The following RFX2 variants were observed in gnomAD, a reference collection of about 807,000 sequenced individuals.
The protein encoded by RFX2 is regulatory factor X2.
In RFX2, 20 loss-of-function variants were observed where a neutral mutation model predicts 87.8. The observed-to-expected ratio is 0.23, with a 90% CI of 0.16 to 0.33. The LOEUF is 0.33. Ranked by LOEUF, RFX2 falls within the 10% of genes least tolerant of loss-of-function variation. The probability of loss-of-function intolerance (pLI) is 1.00; values close to 1 mark genes in which losing one functional copy is unlikely to be tolerated. For missense variants in RFX2, 767 were observed against 1,012.3 expected (o/e 0.76, Z 3.29); for synonymous variants, 397 against 431.3 (o/e 0.92, Z 0.98).
rs767365393 is a variant in RFX2 at position 6,004,289 on chromosome 19, G to A, written c.1412C>T (p.Thr471Ile). ...CTTGGCAAAGTTACGGATGGCCTGT[G>A]TCAAGGTACCTGGGGGATACAGACC... is the stretch of plus-strand genomic sequence containing the variant. ...DVLRPVPSTL[T>I]QAIRNFAKSL... The change falls in exon 13 of 18, where the codon ACA (threonine) becomes ATA (isoleucine). Residue 471 changes from threonine to isoleucine, a missense_variant. Physicochemically the swap from Thr to Ile is moderately conservative, Grantham distance 89. Around this residue, in one of 2 missense-constraint regions of RFX2, gnomAD observed 621 missense variants for 873.0 expected, o/e 0.71. Transcript: ENST00000303657. This position sits in a 1 kb window ranked among gnomAD's most constrained non-coding sequence, Gnocchi z 4.8. 3 of 1,613,724 alleles carry A rather than the reference G, an allele frequency of 1.9e-6. No individual in the cohort carries two copies. Among genetic ancestry groups the A allele is most frequent in the Non-Finnish European group, 1.7e-6 (2 of 1,179,734 alleles).
chr19:6,067,585 C>T (rs1286995529), intron 1 of RFX2, among the ~76,000 whole-genome samples: 1 of 152,238 alleles, frequency 6.6e-6, no homozygotes, highest in Non-Finnish European at 1.5e-5. Flanking sequence ...AAGGGCTAAA[C>T]TGAAGCTAGT....
intron 1 of RFX2, among the ~76,000 whole-genome samples, chr19:6,078,756 G>T (rs1382461883): frequency 6.6e-6 from 1 of 152,186 alleles, no homozygotes. Context: ...CTTCCCAGGA[G>T]AATGTTACTT....
At chr19:6,038,991 AC>A in intron 5 of RFX2, among the ~76,000 whole-genome samples, 1 of 152,340 alleles carries the variant, frequency 6.6e-6, no homozygotes, top group South Asian at 2.1e-4. Context: ...AAGAAAGAAA[AC>A]ATATGTCCTT....
Position 6,061,127 on chromosome 19 carries a change from T to A in RFX2, c.-8-13623A>T, listed in dbSNP as rs570276387. 2.0e-5 allele frequency among the ~76,000 whole-genome samples: 3 copies of A among 152,086 alleles called. No homozygotes were observed. The highest frequency in any genetic ancestry group is 7.2e-5 in the African/African-American group (3 of 41,466). ...GTCTCCACCTGATACCATCTCTGCC[T>A]CCCCCTTCCTTCCGCTCCTGCTGCT... On this transcript the variant is annotated intron_variant, in intron 1 of 17. Coordinates refer to ENST00000303657, the MANE Select transcript of RFX2 (RefSeq NM_000635.4). This position sits in a 1 kb window ranked among gnomAD's most constrained non-coding sequence, Gnocchi z 5.2.
At position 6,042,069 on chromosome 19, in the gene RFX2, C is replaced by T. The variant is rs574983705; in HGVS notation, c.235G>A (p.Asp79Asn). 1 of 1,613,936 alleles carries T rather than the reference C, an allele frequency of 6.2e-7. No homozygotes were observed. Among genetic ancestry groups the T allele is most frequent in the South Asian group, 1.1e-5 (1 of 91,076 alleles). Residue 79 changes from aspartate (D) to asparagine (N), a missense_variant, in exon 4 of 18, where the codon GAC becomes AAC. Around this residue, in one of 2 missense-constraint regions of RFX2, gnomAD observed 146 missense variants for 139.2 expected, o/e 1.05. Transcript: ENST00000303657. ...ATGGCTCCATTGGTGTAGACGGCGT[C>T]TCCCCCTTCCACGTACTGCACCTGG... ...PAQVQYVEGG[D>N]AVYTNGAIRT...
chr19:6,098,606 G>C (rs972472887), intron 1 of RFX2, among the ~76,000 whole-genome samples: 1 of 151,994 alleles, frequency 6.6e-6, no homozygotes, highest in African/African-American at 2.4e-5. Flanking sequence ...GAGAGGTCAG[G>C]AGTGTTATAG....
intron 12 of RFX2, among the ~76,000 whole-genome samples, chr19:6,006,001 T>G (rs745939797): frequency 6.6e-6 from 1 of 152,144 alleles, no homozygotes; most frequent in Non-Finnish European, 1.5e-5. Context: ...ATGCCCCCAG[T>G]GAACCTTCTA....
At position 6,063,076 on chromosome 19, in the gene RFX2, C is replaced by T. The variant is rs1395622506; in HGVS notation, c.-8-15572G>A. Among the ~76,000 whole-genome samples the T allele has an allele frequency of 2.0e-5, 3 of 152,194 alleles. No individual in the cohort carries two copies. Among genetic ancestry groups the T allele is most frequent in the East Asian group, 1.9e-4 (1 of 5,198 alleles). On this transcript the variant is annotated intron_variant, in intron 1 of 17. Coordinates refer to ENST00000303657, the MANE Select transcript of RFX2 (RefSeq NM_000635.4). This position sits in a 1 kb window ranked among gnomAD's most constrained non-coding sequence, Gnocchi z 4.0. Reference sequence around the variant, plus strand: ...GTGTCTCGTATCCCTCCTGTCCTGCCGCTCTCGCTCTTGCTCCTAGGCCGC... The same window carrying T: ...GTGTCTCGTATCCCTCCTGTCCTGCTGCTCTCGCTCTTGCTCCTAGGCCGC...
intron 12 of RFX2, among the ~76,000 whole-genome samples, chr19:6,005,561 T>C (rs898720188): frequency 3.9e-5 from 6 of 152,204 alleles, no homozygotes; most frequent in African/African-American, 1.4e-4. Flanking sequence ...CTGGGAGGTC[T>C]CCAAGGGCAC....
chr19:6,041,282 A>G (rs1294274384), intron 4 of RFX2, among the ~76,000 whole-genome samples: 1 of 152,172 alleles, frequency 6.6e-6, no homozygotes, highest in African/African-American at 2.4e-5. Flanking sequence ...TCCACCAATC[A>G]CAACCCTGAA....
At chr19:6,034,612 T>C (rs1248884973) in intron 5 of RFX2, among the ~76,000 whole-genome samples, 1 of 152,196 alleles carries the variant, frequency 6.6e-6, no homozygotes, top group Non-Finnish European at 1.5e-5. Flanking sequence ...TCCTCCCACC[T>C]TAGCTTCCCA....
intron 5 of RFX2, among the ~76,000 whole-genome samples, chr19:6,033,541 T>C (rs2086977119): frequency 6.9e-6 from 1 of 145,572 alleles, no homozygotes. Flanking sequence ...CAGGCAAATC[T>C]GAGACTAAAT....
At chr19:6,093,363 C>T (rs370556737) in intron 1 of RFX2, among the ~76,000 whole-genome samples, 24 of 152,024 alleles carry the variant, frequency 1.6e-4, no homozygotes, top group African/African-American at 5.8e-4. Flanking sequence ...GGTGAAACCC[C>T]GTCTCTACTA....
In RFX2 at chr19:6,027,385, T is replaced by G. The variant is rs2086904619; in HGVS notation, c.523-1148A>C. 1 of 152,230 alleles carries G rather than the reference T, an allele frequency of 6.6e-6. No individual in the cohort carries two copies. The highest frequency in any genetic ancestry group is 2.4e-5 in the African/African-American group (1 of 41,430). 9.4% of individuals were successfully genotyped at this position (152,230 alleles called of 1,614,324 possible). A position where few individuals can be genotyped will look rare whatever the true frequency, so the allele number is the denominator to read the frequency against. ...GGAGGACCAGGGGAAAGTAGGATGG[T>G]GAGACCTCTCCCACCCATCAGCCTC... On this transcript the variant is annotated intron_variant, in intron 5 of 17. Transcript: ENST00000303657. The surrounding 1 kb of genome is among the most constrained non-coding windows in gnomAD (Gnocchi z 5.0).
chr19:6,033,791 C>T (rs1001035446), intron 5 of RFX2, among the ~76,000 whole-genome samples: 2 of 151,586 alleles, frequency 1.3e-5, no homozygotes, highest in Non-Finnish European at 2.9e-5. Flanking sequence ...ATGTAACAAA[C>T]AAACAACTTC....
In RFX2 at chr19:6,047,517, GGA is replaced by G. The variant is rs1568523876; in HGVS notation, c.-8-15_-8-14del. On this transcript the variant is annotated splice_polypyrimidine_tract_variant and intron_variant, in intron 1 of 17. Coordinates refer to ENST00000303657, the MANE Select transcript of RFX2 (RefSeq NM_000635.4). The surrounding 1 kb of genome is among the most constrained non-coding windows in gnomAD (Gnocchi z 4.2). ...TGCATGCTCAGGTCTAAAGAAAGGC[GGA>G]GAGAGATTGGGTGGGCAAGGGCTGC... is the stretch of plus-strand genomic sequence containing the variant. The G allele has an allele frequency of 6.3e-7, 1 of 1,592,186 alleles. No homozygotes were observed. The highest frequency in any genetic ancestry group is 1.1e-5 in the South Asian group (1 of 88,062).
Position 6,045,003 on chromosome 19 carries a change from G to A in RFX2, c.91-721C>T, listed in dbSNP as rs1395228219. Among the ~76,000 whole-genome samples, 2 of 152,198 alleles carry A rather than the reference G, an allele frequency of 1.3e-5. No homozygotes were observed. Among genetic ancestry groups the A allele is most frequent in the African/African-American group, 2.4e-5 (1 of 41,440 alleles). ...GGAAGGGTCAAAGTGAACTCGAGTC[G>A]AGGGAGGAACAGGAGTGTTTTGTGT... On this transcript the variant is annotated intron_variant, in intron 2 of 17. Coordinates refer to ENST00000303657, the MANE Select transcript of RFX2 (RefSeq NM_000635.4). This position sits in a 1 kb window ranked among gnomAD's most constrained non-coding sequence, Gnocchi z 5.2.
At chr19:6,005,491 G>A (rs1257558683) in intron 12 of RFX2, among the ~76,000 whole-genome samples, 5 of 152,200 alleles carry the variant, frequency 3.3e-5, no homozygotes. Context: ...AGCTTGGCAC[G>A]GGCCTGGCCC....
chr19:5,995,038 C>A, intron 17 of RFX2, 88 bp from the exon 18 acceptor site: 2 of 1,043,742 alleles, frequency 1.9e-6, no homozygotes, highest in South Asian at 1.4e-5. Flanking sequence ...ACTGCTCCGG[C>A]ACGCCAGGCA....
Sources: gnomAD v4.1 joint callset for allele counts (sites outside exome capture counted in the v4.1 genomes callset) on GRCh38, gnomAD v4.1.1 for gene constraint, gnomAD v4.1.1 regional missense constraint, Gnocchi (gnomAD v3.1) non-coding constraint, MANE v1.5 for transcripts, NCBI Gene and HGNC (gene_info 2026-07-23, HGNC 2026-07-21) for gene names.